The following ADGRG4 variants were observed in gnomAD, a reference collection of about 807,000 sequenced individuals.
ADGRG4 encodes the protein G protein-coupled receptor 112.
A neutral mutation model predicts 126.2 loss-of-function variants in ADGRG4; 122 were observed. The ratio of observed to expected loss-of-function variants is 0.97; its 90% CI spans 0.83 to 1.12. The LOEUF (loss-of-function observed/expected upper bound fraction) is 1.12. Among genes scored for constraint, ADGRG4 ranks in the 50% most tolerant of loss-of-function variants. ADGRG4 has a pLI of 0.00. For missense variants in ADGRG4, 2,481 were observed against 2,251.8 expected (o/e 1.10, Z -2.06); for synonymous variants, 943 against 838.7 (o/e 1.12, Z -2.15).
intron 22 of ADGRG4, among the ~76,000 whole-genome samples, chrX:136,404,098 C>T (rs747645716): frequency 1.8e-5 from 2 of 111,964 alleles, no homozygotes; most frequent in East Asian, 2.8e-4. Context: ...TGTAGAAGGT[C>T]CTGCTCTAAG....
At chrX:136,371,587 T>A in intron 14 of ADGRG4, 43 bp downstream of exon 14, 1 of 829,901 alleles carries the variant, frequency 1.2e-6, no homozygotes, top group Non-Finnish European at 1.7e-6. Context: ...TTTTAAAAAA[T>A]TTAAAATGCA....
intron 4 of ADGRG4, among the ~76,000 whole-genome samples, chrX:136,317,046 T>C (rs2074809141): frequency 9.0e-6 from 1 of 111,714 alleles, no homozygotes; most frequent in African/African-American, 3.3e-5. Context: ...GGACCTACTC[T>C]GTGTCCATGA....
intron 5 of ADGRG4, among the ~76,000 whole-genome samples, chrX:136,338,573 A>G (rs969650001): frequency 4.5e-5 from 5 of 111,859 alleles, no homozygotes; most frequent in Non-Finnish European, 9.4e-5. Flanking sequence ...TTTCTTAACA[A>G]TGTTTATTTC....
In ADGRG4 at chrX:136,351,457, C is replaced by A; in HGVS notation, c.6738C>A (p.Tyr2246Ter). 8.9e-7 allele frequency: 1 copy of A among 1,118,218 alleles called. No individual in the cohort carries two copies. Among genetic ancestry groups the A allele is most frequent in the Non-Finnish European group, 1.2e-6 (1 of 830,374 alleles). 92.2% of individuals were successfully genotyped at this position (1,118,218 alleles called of 1,213,427 possible). Residue 2246 changes from tyrosine (Y) to a stop codon, truncating the protein, a stop_gained, in exon 7 of 26, where the codon TAC (tyrosine) becomes TAA (stop). Coordinates refer to ENST00000394143, the MANE Select transcript of ADGRG4 (RefSeq NM_153834.4). LOFTEE classifies it high-confidence loss of function. ...PTATKSTVSF[Y>*]NVEMSFSVFV... ...TATTTTTAATTACAGTTTCCTTCTA[C>A]AATGTTGAAATGAGCTTCTCTGTCT...
rs191954163 is a variant in ADGRG4, at chrX:136,399,170, A to G, written c.8307-678A>G. Among the ~76,000 whole-genome samples, 223 of 111,558 alleles carry G rather than the reference A, an allele frequency of 2.0e-3. 1 individual carries two copies. The highest frequency in any genetic ancestry group is 3.2e-3 in the Non-Finnish European group (169 of 53,012). ...ATGAAGGAGCCTTCTGGGATGTTGA[A>G]ACTATTCTACCTCTTGATCTGTGTC... is the stretch of plus-strand genomic sequence containing the variant. On this transcript the variant is annotated intron_variant, in intron 20 of 25. Transcript: ENST00000394143.
intron 2 of ADGRG4, among the ~76,000 whole-genome samples, chrX:136,304,609 G>A (rs2074721865): frequency 8.9e-6 from 1 of 112,423 alleles, no homozygotes. Context: ...AGAACAGGAT[G>A]TGTTTCCCTG....
chrX:136,346,930 T>C lies in ADGRG4; in HGVS notation c.3224T>C (p.Ile1075Thr). 2 of 1,211,086 alleles carry C rather than the reference T, an allele frequency of 1.7e-6. No homozygotes were observed. Among genetic ancestry groups the C allele is most frequent in the Non-Finnish European group, 2.2e-6 (2 of 895,075 alleles). Reference protein sequence around the residue: ...PPLDQTASTTIVIVPTHGDLI... With the variant: ...PPLDQTASTTTVIVPTHGDLI... Reference sequence around the variant, plus strand: ...TTGGATCAGACTGCTTCCACAACCATTGTTATTGTGCCTACCCATGGAGAC... The same window carrying C: ...TTGGATCAGACTGCTTCCACAACCACTGTTATTGTGCCTACCCATGGAGAC... Residue 1075 changes from isoleucine (I) to threonine (T), a missense_variant, in exon 6 of 26, where the codon ATT (isoleucine) becomes ACT (threonine). By Grantham distance (89) the Ile-to-Thr change is moderately conservative. Coordinates refer to ENST00000394143, the MANE Select transcript of ADGRG4 (RefSeq NM_153834.4).
At chrX:136,331,898 G>A (rs2074912664) in intron 5 of ADGRG4, among the ~76,000 whole-genome samples, 1 of 106,158 alleles carries the variant, frequency 9.4e-6, no homozygotes, top group African/African-American at 3.4e-5. Flanking sequence ...CTCACTGCAA[G>A]CTCCGCCTCC....
chrX:136,354,207 C>T (rs771734878), intron 8 of ADGRG4, among the ~76,000 whole-genome samples: 5 of 111,537 alleles, frequency 4.5e-5, no homozygotes, highest in South Asian at 3.8e-4. Context: ...GGTAAATGTA[C>T]GGTAGGTTAT....
chrX:136,342,686 C>T (rs900584006), intron 5 of ADGRG4, among the ~76,000 whole-genome samples: 15 of 109,159 alleles, frequency 1.4e-4, no homozygotes, highest in Non-Finnish European at 2.5e-4. Flanking sequence ...ATGCAATGGT[C>T]TTGTAGTGGG....
At chrX:136,342,562 A>G (rs1025885362) in intron 5 of ADGRG4, among the ~76,000 whole-genome samples, 1 of 111,609 alleles carries the variant, frequency 9.0e-6, no homozygotes, top group East Asian at 2.9e-4. Flanking sequence ...CATGGAAGTC[A>G]GGGAAGGTAG....
At chrX:136,383,125 CA>C (rs1333319039) in intron 15 of ADGRG4, among the ~76,000 whole-genome samples, 9 of 110,701 alleles carry the variant, frequency 8.1e-5, no homozygotes, top group East Asian at 2.8e-4. Flanking sequence ...ACATGGACTT[CA>C]AAAAAAATGT....
intron 15 of ADGRG4, among the ~76,000 whole-genome samples, chrX:136,380,658 C>T (rs748926455): frequency 0.15 from 10,272 of 68,185 alleles, 1,105 homozygotes; most frequent in Non-Finnish European, 0.18. Flanking sequence ...CTTCCTCCTC[C>T]TCCTCCTCCT....
Position 136,344,520 on chromosome X carries a change from C to T in ADGRG4, c.814C>T (p.Gln272Ter). 8.3e-7 allele frequency: 1 copy of T among 1,207,300 alleles called. No individual in the cohort carries two copies. The highest frequency in any genetic ancestry group is 1.1e-6 in the Non-Finnish European group (1 of 891,688). ...TGCACATTCCTCTACACTATTGTCT[C>T]AAAGCATACCTATATTTGCAACTGA... is the stretch of plus-strand genomic sequence containing the variant. ...NTAHSSTLLS[Q>*]SIPIFATDYT... The change falls in exon 6 of 26, where the codon CAA becomes TAA. Residue 272 changes from glutamine (Q) to a stop codon, truncating the protein, a stop_gained. Transcript: ENST00000394143. LOFTEE classifies it high-confidence loss of function.
At chrX:136,393,175 C>T (rs147314695) in intron 17 of ADGRG4, among the ~76,000 whole-genome samples, 1 of 111,689 alleles carries the variant, frequency 9.0e-6, no homozygotes, top group Non-Finnish European at 1.9e-5. Flanking sequence ...TTGATCTCAG[C>T]GGTGAGCCCC....
intron 4 of ADGRG4, among the ~76,000 whole-genome samples, chrX:136,322,320 T>C (rs1036114302): frequency 3.6e-5 from 4 of 111,953 alleles, no homozygotes; most frequent in African/African-American, 6.5e-5. Flanking sequence ...GGAAAAGGCA[T>C]TGGAGAAACA....
intron 15 of ADGRG4, among the ~76,000 whole-genome samples, chrX:136,378,626 TGTTTTTTTAAAA>T (rs2075242053): frequency 1.8e-5 from 2 of 111,818 alleles, no homozygotes; most frequent in Admixed American, 1.9e-4. Flanking sequence ...ATTTTTGTTT[TGTTTTTTTAAAA>T]GATGTTCTTT....
chrX:136,392,930 T>C (rs1324227490), intron 17 of ADGRG4, among the ~76,000 whole-genome samples: 1 of 111,881 alleles, frequency 8.9e-6, no homozygotes, highest in Non-Finnish European at 1.9e-5. Flanking sequence ...GTCTTGATTC[T>C]AGAAGGGAAG....
chrX:136,405,642 T>C, intron 22 of ADGRG4, 50 bp from the exon 23 acceptor site: 1 of 967,578 alleles, frequency 1.0e-6, no homozygotes, highest in Non-Finnish European at 1.4e-6. Context: ...CTCTGAGAAA[T>C]AGGACTTTAT....
Sources: gnomAD v4.1 joint callset for allele counts (sites outside exome capture counted in the v4.1 genomes callset) on GRCh38, gnomAD v4.1.1 for gene constraint, MANE v1.5 for transcripts, NCBI Gene and HGNC (gene_info 2026-07-23, HGNC 2026-07-21) for gene names.